GRIA1: variants seen among roughly 807,000 people sequenced by gnomAD.
GRIA1 encodes the protein glutamate ionotropic receptor AMPA type subunit 1.
Under a neutral mutation model 99.2 loss-of-function variants are expected in GRIA1, and 31 were observed. The observed-to-expected ratio is 0.31, with a 90% CI of 0.23 to 0.42. The LOEUF (loss-of-function observed/expected upper bound fraction) is 0.42, where lower values mean the gene tolerates loss of function less well. GRIA1 is among the 10% of genes least tolerant of loss of function. The pLI is 1.00. For synonymous variants in GRIA1, 438 were observed against 432.4 expected (o/e 1.01, Z -0.16); for missense variants, 782 against 1,157.5 (o/e 0.68, Z 4.71).
At chr5:153,646,839 G>A in intron 2 of GRIA1, 89 bp from the exon 3 acceptor site, 1 of 1,392,524 alleles carries the variant, frequency 7.2e-7, no homozygotes, top group Non-Finnish European at 1.0e-6. Flanking sequence ...TGATGGGTTG[G>A]ATGGATGAAC....
intron 11 of GRIA1, among the ~76,000 whole-genome samples, chr5:153,722,678 A>T (rs530452506): frequency 1.4e-4 from 22 of 152,334 alleles, no homozygotes; most frequent in African/African-American, 4.8e-4. Context: ...TGTCTTTGCC[A>T]GGGTATTACC....
intron 13 of GRIA1, among the ~76,000 whole-genome samples, chr5:153,772,792 G>A (rs1763967908): frequency 6.6e-6 from 1 of 152,180 alleles, no homozygotes; most frequent in Non-Finnish European, 1.5e-5. Context: ...ACTCAAAGTA[G>A]AGAGTGAGTT....
chr5:153,573,531 A>G (rs909941833), intron 2 of GRIA1, among the ~76,000 whole-genome samples: 11 of 152,128 alleles, frequency 7.2e-5, no homozygotes, highest in Non-Finnish European at 1.6e-4. Flanking sequence ...AAAGATACCA[A>G]AAGGAGTGTC....
chr5:153,623,431 A>G (rs1262204545), intron 2 of GRIA1, among the ~76,000 whole-genome samples: 1 of 152,200 alleles, frequency 6.6e-6, no homozygotes, highest in African/African-American at 2.4e-5. Context: ...GGGGCTTATT[A>G]TATGTTAGCA....
intron 11 of GRIA1, among the ~76,000 whole-genome samples, chr5:153,711,769 C>T (rs1011030431): frequency 5.3e-5 from 8 of 152,142 alleles, no homozygotes; most frequent in African/African-American, 1.9e-4. Flanking sequence ...AATGGCTTCT[C>T]CATGGCATCA....
intron 15 of GRIA1, among the ~76,000 whole-genome samples, chr5:153,806,842 G>A (rs965376961): frequency 8.5e-5 from 13 of 152,144 alleles, no homozygotes; most frequent in African/African-American, 3.1e-4. Flanking sequence ...TGAAATAAAG[G>A]TTCAAAGAAG....
At position 153,771,569 on chromosome 5, in the gene GRIA1, T is replaced by C. The variant is rs145078189; in HGVS notation, c.2270+1154T>C. ...ACAGACATTAAAGAAATAATTAACA[T>C]TTAATGACAATTCTAATAGATACTA... is the stretch of plus-strand genomic sequence containing the variant. On this transcript the variant is annotated intron_variant, in intron 13 of 15. Coordinates refer to ENST00000285900, the MANE Select transcript of GRIA1 (RefSeq NM_000827.4). Among the ~76,000 whole-genome samples, 1,036 of 152,304 alleles carry C rather than the reference T, an allele frequency of 6.8e-3. 7 individuals carry two copies. The highest frequency in any genetic ancestry group is 0.023 in the African/African-American group (968 of 41,574).
Position 153,646,924 on chromosome 5 carries a change from G to C in GRIA1, c.221-4G>C, listed in dbSNP as rs747932724. On this transcript the variant is annotated splice_region_variant and splice_polypyrimidine_tract_variant and intron_variant, in intron 2 of 15. Transcript: ENST00000285900. ...TATTCATTAATCCTTCTCTTCTCTT[G>C]TAGTCTGTTCCCAGTTCTCCAAAGG... is the stretch of plus-strand genomic sequence containing the variant. The C allele has an allele frequency of 1.2e-6, 2 of 1,613,648 alleles. No homozygotes were observed. Among genetic ancestry groups the C allele is most frequent in the South Asian group, 2.2e-5 (2 of 91,014 alleles).
intron 2 of GRIA1, among the ~76,000 whole-genome samples, chr5:153,535,668 C>T (rs1215312844): frequency 6.6e-6 from 1 of 152,236 alleles, no homozygotes; most frequent in Non-Finnish European, 1.5e-5. Context: ...AAAATAGTGT[C>T]TATGAATGGC....
chr5:153,761,262 T>A (rs1441062946), intron 11 of GRIA1, among the ~76,000 whole-genome samples: 1 of 152,142 alleles, frequency 6.6e-6, no homozygotes, highest in Non-Finnish European at 1.5e-5. Context: ...GTAGAAATAT[T>A]TGCAAGCTAT....
intron 11 of GRIA1, among the ~76,000 whole-genome samples, chr5:153,735,732 T>C (rs574938298): frequency 1.5e-4 from 23 of 152,218 alleles, no homozygotes; most frequent in Admixed American, 1.5e-3. Context: ...TAATCCAGAA[T>C]ACATATTTAA....
At chr5:153,738,720 CTTTTTTTTT>C (rs55874747) in intron 11 of GRIA1, among the ~76,000 whole-genome samples, 1 of 102,348 alleles carries the variant, frequency 9.8e-6, no homozygotes, top group Admixed American at 1.2e-4. Flanking sequence ...TCCATACCTT[CTTTTTTTTT>C]TTTTTTTTTG....
At chr5:153,759,225 CAGAA>C (rs1763021200) in intron 11 of GRIA1, among the ~76,000 whole-genome samples, 2 of 148,414 alleles carry the variant, frequency 1.3e-5, no homozygotes, top group Non-Finnish European at 3.0e-5. Flanking sequence ...TCATAAAGAC[CAGAA>C]CAGAAATAAA....
At chr5:153,688,455 T>C (rs564750337) in intron 8 of GRIA1, among the ~76,000 whole-genome samples, 2 of 152,370 alleles carry the variant, frequency 1.3e-5, no homozygotes, top group East Asian at 1.9e-4. Context: ...TTAGCTCTTA[T>C]AACTTTCAAT....
At chr5:153,625,961 C>T in intron 2 of GRIA1, among the ~76,000 whole-genome samples, 1 of 152,200 alleles carries the variant, frequency 6.6e-6, no homozygotes, top group East Asian at 1.9e-4. Context: ...GCTTAGCGAT[C>T]TGGTGCCTAC....
At chr5:153,750,574 C>T (rs1762443847) in intron 11 of GRIA1, among the ~76,000 whole-genome samples, 1 of 152,060 alleles carries the variant, frequency 6.6e-6, no homozygotes. Flanking sequence ...TAACTTTCCA[C>T]TCCCTACACA....
chr5:153,686,849 G>A (rs1757375153), intron 8 of GRIA1, among the ~76,000 whole-genome samples: 1 of 152,076 alleles, frequency 6.6e-6, no homozygotes, highest in Admixed American at 6.6e-5. Flanking sequence ...CAAATCCTTG[G>A]AATAACATTT....
chr5:153,652,432 T>C (rs1264252055), intron 4 of GRIA1, among the ~76,000 whole-genome samples: 1 of 152,200 alleles, frequency 6.6e-6, no homozygotes, highest in Non-Finnish European at 1.5e-5. Context: ...ACAGCTTTTT[T>C]CAATTCCCCT....
At chr5:153,708,698 C>T (rs948388129) in intron 11 of GRIA1, among the ~76,000 whole-genome samples, 9 of 152,034 alleles carry the variant, frequency 5.9e-5, no homozygotes, top group Admixed American at 5.9e-4. Context: ...GAAACGATGC[C>T]ACTGTTCACA....
Sources: allele counts gnomAD v4.1 joint callset (sites outside exome capture counted in the v4.1 genomes callset), GRCh38; gene constraint gnomAD v4.1.1; transcripts MANE v1.5; gene names NCBI Gene and HGNC (gene_info 2026-07-23, HGNC 2026-07-21).